CDH13: variants seen among roughly 807,000 people sequenced by gnomAD.
The protein encoded by CDH13 is cadherin 13.
A neutral mutation model predicts 63.8 loss-of-function variants in CDH13; 24 were observed. The observed-to-expected ratio is 0.38, with a 90% confidence interval of 0.27 to 0.53. CDH13 has a LOEUF of 0.53. Ranked by LOEUF, CDH13 falls within the 20% of genes least tolerant of loss-of-function variation. The pLI, the probability that CDH13 is intolerant of heterozygous loss-of-function variation, is 0.85. For synonymous variants in CDH13, 503 were observed against 355.3 expected, an observed-to-expected ratio of 1.42 and a Z score of -4.67; for missense variants, 1,049 against 903.1, an observed-to-expected ratio of 1.16 and a Z score of -2.07.
chr16:82,706,107 A>C (rs1597370282), intron 1 of CDH13, among the ~76,000 whole-genome samples: 3 of 145,650 alleles, frequency 2.1e-5, no homozygotes, highest in Middle Eastern at 3.3e-3. Flanking sequence ...TGTCTTCCTC[A>C]CTCCTCCCTT....
Position 83,124,177 on chromosome 16 carries a change from C to G in CDH13, c.367-1208C>G, listed in dbSNP as rs193220827. Among the ~76,000 whole-genome samples the G allele has an allele frequency of 1.4e-4, 22 of 152,246 alleles. 1 individual carries two copies. The East Asian group carries it at 4.3e-3, about 29-fold the overall frequency. Reference sequence around the variant, plus strand: ...TCTCCTGCCTCAGCCTCCCTAGTAGCTGGGATTACAGGTACCTGCCACCAT... The same window carrying G: ...TCTCCTGCCTCAGCCTCCCTAGTAGGTGGGATTACAGGTACCTGCCACCAT... On this transcript the variant is annotated intron_variant, in intron 3 of 13. Transcript: ENST00000567109.
intron 1 of CDH13, among the ~76,000 whole-genome samples, chr16:82,794,897 A>T (rs1205525983): frequency 3.9e-5 from 6 of 152,314 alleles, no homozygotes; most frequent in Middle Eastern, 3.4e-3. Context: ...CACAAAAGCA[A>T]CTTGTTTCCA....
At chr16:82,966,621 C>A (rs1267968545) in intron 2 of CDH13, among the ~76,000 whole-genome samples, 1 of 152,056 alleles carries the variant, frequency 6.6e-6, no homozygotes, top group Non-Finnish European at 1.5e-5. Flanking sequence ...TTATTTTTAA[C>A]CTTTTATTTT....
At chr16:82,815,517 G>A (rs1224795666) in intron 1 of CDH13, among the ~76,000 whole-genome samples, 1 of 152,180 alleles carries the variant, frequency 6.6e-6, no homozygotes, top group Admixed American at 6.5e-5. Context: ...CCCTACATGG[G>A]AGATATTATT....
At chr16:83,438,386 G>A in intron 6 of CDH13, among the ~76,000 whole-genome samples, 1 of 152,208 alleles carries the variant, frequency 6.6e-6, no homozygotes, top group East Asian at 1.9e-4. Flanking sequence ...TTACCTTCCT[G>A]TAGGTTGATT....
intron 7 of CDH13, among the ~76,000 whole-genome samples, chr16:83,526,306 T>C (rs1447355084): frequency 6.6e-6 from 1 of 152,166 alleles, no homozygotes; most frequent in Non-Finnish European, 1.5e-5. Flanking sequence ...AGCTTTGTGT[T>C]GTAGCCTCAA....
intron 4 of CDH13, among the ~76,000 whole-genome samples, chr16:83,128,836 A>T: frequency 6.6e-6 from 1 of 152,130 alleles, no homozygotes; most frequent in East Asian, 1.9e-4. Flanking sequence ...TTAGCCCCTT[A>T]TGTGTTGCCC....
In CDH13 at chr16:83,422,058, G is replaced by C. The variant is rs534533759; in HGVS notation, c.782-64419G>C. Reference sequence around the variant, plus strand: ...TTCTGACTTATTCATGTTGGTCTCAGTTTTTAAGAATCAATCATACAGAAA... The same window carrying C: ...TTCTGACTTATTCATGTTGGTCTCACTTTTTAAGAATCAATCATACAGAAA... On this transcript the variant is annotated intron_variant, in intron 6 of 13. Coordinates refer to ENST00000567109, the MANE Select transcript of CDH13 (RefSeq NM_001257.5). 9.7e-4 allele frequency among the ~76,000 whole-genome samples: 148 copies of C among 152,264 alleles called. No individual in the cohort carries two copies. The Middle Eastern group carries it at 0.014, about 14-fold the overall frequency.
chr16:82,946,033 G>A (rs186118804), intron 2 of CDH13, among the ~76,000 whole-genome samples: 148 of 152,052 alleles, frequency 9.7e-4, no homozygotes, highest in South Asian at 4.0e-3. Flanking sequence ...TTCTCCTGGC[G>A]TCTTATAACT....
At chr16:83,741,114 C>G (rs1280710922) in intron 10 of CDH13, among the ~76,000 whole-genome samples, 1 of 152,196 alleles carries the variant, frequency 6.6e-6, no homozygotes, top group Non-Finnish European at 1.5e-5. Flanking sequence ...GACTGTCTAA[C>G]TAATCTAGGA....
chr16:83,744,436 C>T (rs1025062795), intron 10 of CDH13, among the ~76,000 whole-genome samples: 1 of 152,214 alleles, frequency 6.6e-6, no homozygotes, highest in Non-Finnish European at 1.5e-5. Flanking sequence ...ATGAGTAATT[C>T]ATCGCTTCTG....
At chr16:83,626,646 G>A (rs1209968917) in intron 8 of CDH13, among the ~76,000 whole-genome samples, 1 of 151,832 alleles carries the variant, frequency 6.6e-6, no homozygotes, top group Non-Finnish European at 1.5e-5. Context: ...GTTGTCCTCT[G>A]CCCCCAAGGC....
intron 1 of CDH13, among the ~76,000 whole-genome samples, chr16:82,821,172 C>T (rs570837127): frequency 3.9e-5 from 6 of 152,312 alleles, no homozygotes; most frequent in African/African-American, 1.4e-4. Context: ...TCACAGTTCT[C>T]ATCTGACATT....
chr16:83,323,513 T>C (rs1025806543), intron 5 of CDH13, among the ~76,000 whole-genome samples: 24 of 151,956 alleles, frequency 1.6e-4, no homozygotes, highest in African/African-American at 4.6e-4. Context: ...ACGCCTGACT[T>C]CAGGCGATCC....
chr16:83,267,046 C>G (rs1242736963), intron 5 of CDH13, among the ~76,000 whole-genome samples: 1 of 152,162 alleles, frequency 6.6e-6, no homozygotes, highest in Non-Finnish European at 1.5e-5. Context: ...TATTCTCAGC[C>G]TTGCTTTTTT....
At chr16:83,054,143 G>A (rs1203249990) in intron 3 of CDH13, among the ~76,000 whole-genome samples, 1 of 152,150 alleles carries the variant, frequency 6.6e-6, no homozygotes, top group Non-Finnish European at 1.5e-5. Context: ...ATACCATCTA[G>A]GTTTATATAA....
At chr16:83,010,393 G>A (rs1309165321) in intron 2 of CDH13, among the ~76,000 whole-genome samples, 2 of 152,082 alleles carry the variant, frequency 1.3e-5, no homozygotes, top group African/African-American at 2.4e-5. Context: ...AGAGATGCAC[G>A]ACTGTCAGAA....
intron 1 of CDH13, among the ~76,000 whole-genome samples, chr16:82,734,773 T>C (rs1339349837): frequency 6.6e-6 from 1 of 151,768 alleles, no homozygotes; most frequent in Non-Finnish European, 1.5e-5. Flanking sequence ...ACTCCAGTGT[T>C]GATCGGTCAT....
At chr16:83,075,182 T>A (rs981982884) in intron 3 of CDH13, among the ~76,000 whole-genome samples, 5 of 152,182 alleles carry the variant, frequency 3.3e-5, no homozygotes, top group Non-Finnish European at 5.9e-5. Flanking sequence ...GAATGCACCC[T>A]TTATTGGCTT....
Sources: gnomAD v4.1 joint callset for allele counts (sites outside exome capture counted in the v4.1 genomes callset) on GRCh38, gnomAD v4.1.1 for gene constraint, MANE v1.5 for transcripts, NCBI Gene and HGNC (gene_info 2026-07-23, HGNC 2026-07-21) for gene names.